Variants in MYH4 observed in about 807,000 individuals in gnomAD.
MYH4 encodes myosin heavy chain 4, also known as myosin-4.
Under a neutral mutation model 229.9 loss-of-function variants are expected in MYH4, and 200 were observed. The observed-to-expected ratio is 0.87, with a 90% confidence interval of 0.78 to 0.98. The LOEUF is 0.98. MYH4 is among the 50% of genes least tolerant of loss of function. MYH4 has a pLI of 0.00. For missense variants in MYH4, 2,148 were observed against 2,332.6 expected (o/e 0.92, Z 1.63); for synonymous variants, 761 against 834.6 (o/e 0.91, Z 1.52).
chr17:10,448,732 C>T lies in MYH4; in HGVS notation c.4417G>A (p.Ala1473Thr), dbSNP rs760022350. The change falls in exon 32 of 40, where the codon GCC (alanine) becomes ACC (threonine). Residue 1473 changes from alanine (A) to threonine (T), a missense_variant. Physicochemically the swap from Ala to Thr is moderately conservative, Grantham distance 58. Transcript: ENST00000255381. ...AGAGAACGCGACTCCTTCTGGGAGG[C>T]CTCAAGTTCAGCCTGAGTTTCCTCA... ...KYEETQAELE[A>T]SQKESRSLST... The T allele has an allele frequency of 6.2e-7, 1 of 1,614,108 alleles. No homozygotes were observed.
Position 10,451,980 on chromosome 17 carries a change from A to T in MYH4, c.3699T>A (p.Asn1233Lys), listed in dbSNP as rs899022774. ...KEKSELKMEI[N>K]DLASNMETVS... ...CAGTCTCCATGTTACTAGCAAGGTC[A>T]TTGATCTCCATCTTCAGCTCACTCT... is the stretch of plus-strand genomic sequence containing the variant. The change falls in exon 27 of 40, where the codon AAT (asparagine) becomes AAA (lysine). Residue 1233 changes from asparagine to lysine, a missense_variant. Physicochemically the swap from Asn to Lys is moderately conservative, Grantham distance 94 (BLOSUM62 0). Coordinates refer to ENST00000255381, the MANE Select transcript of MYH4 (RefSeq NM_017533.2). 2 of 1,613,472 alleles carry T rather than the reference A, an allele frequency of 1.2e-6. No homozygotes were observed. Among genetic ancestry groups the T allele is most frequent in the East Asian group, 4.5e-5 (2 of 44,850 alleles).
Position 10,453,873 on chromosome 17 carries a change from A to C in MYH4, c.2704T>G (p.Leu902Val). Residue 902 changes from leucine to valine, a missense_variant, in exon 23 of 40, where the codon TTG becomes GTG. Transcript: ENST00000255381. ...TCACATCTTTCCTCTGCATCAGCCAAGGCATCTGCTTCCTAAAGGGAGAAA... is the reference window on the plus strand; with the variant it reads ...TCACATCTTTCCTCTGCATCAGCCACGGCATCTGCTTCCTAAAGGGAGAAA... The part of the protein sequence containing the change: ...QLQVQAEADA[L>V]ADAEERCDQL... 6.2e-7 allele frequency: 1 copy of C among 1,614,164 alleles called. No homozygotes were observed. The highest frequency in any genetic ancestry group is 8.5e-7 in the Non-Finnish European group (1 of 1,180,018).
Position 10,453,700 on chromosome 17 carries a change from A to T in MYH4, c.2877T>A (p.Asp959Glu). 1 of 1,614,094 alleles carries T rather than the reference A, an allele frequency of 6.2e-7. No homozygotes were observed. Among genetic ancestry groups the T allele is most frequent in the South Asian group, 1.1e-5 (1 of 91,076 alleles). ...CCTTGGCCAGTGTCAGCTCAAGGTC[A>T]TCAATGTCTTTCTTGAGCTCTGAAC... ...DECSELKKDI[D>E]DLELTLAKVE... Residue 959 changes from aspartate (D) to glutamate (E), a missense_variant, in exon 23 of 40, where the codon GAT becomes GAA. Physicochemically the swap from Asp to Glu is conservative, Grantham distance 45 (BLOSUM62 2). Coordinates refer to ENST00000255381, the MANE Select transcript of MYH4 (RefSeq NM_017533.2).
In MYH4 at chr17:10,443,449, T is replaced by A; in HGVS notation, c.5746A>T (p.Ile1916Phe). 1 of 1,614,186 alleles carries A rather than the reference T, an allele frequency of 6.2e-7. No individual in the cohort carries two copies. Among genetic ancestry groups the A allele is most frequent in the Non-Finnish European group, 8.5e-7 (1 of 1,179,994 alleles). The change falls in exon 40 of 40, where the codon ATT becomes TTT. Residue 1916 changes from isoleucine to phenylalanine, a missense_variant. By Grantham distance (21) the Ile-to-Phe change is conservative. Transcript: ENST00000255381. This position sits in a 1 kb window ranked among gnomAD's most constrained non-coding sequence, Gnocchi z 4.6. ...ELEEAKERAD[I>F]AESQVNKLRV... ...AGCTTGTTGACTTGGGACTCAGCAA[T>A]GTCAGCCCGTTCCTTGGCCTCCTCC...
At chr17:10,453,395 T>C (rs1375775335) in intron 23 of MYH4, 67 bp from the exon 24 acceptor site, 7 of 1,610,544 alleles carry the variant, frequency 4.3e-6, no homozygotes, top group Non-Finnish European at 5.9e-6. Context: ...AACATGATGC[T>C]GTAGTATCTT....
Position 10,464,472 on chromosome 17 carries a change from C to G in MYH4, c.648G>C (p.Gln216His). Residue 216 changes from glutamine (Q) to histidine (H), a missense_variant and splice_region_variant, in exon 7 of 40, where the codon CAG becomes CAC. By Grantham distance (24) the Gln-to-His change is conservative. Transcript: ENST00000255381. ...KKEEPASGKM[Q>H]GTLEDQIISA... ...GTCCTTAGATGAATATCATGCCCAC[C>G]TGCATTTTGCCAGAGGCAGGTTCCT... is the stretch of plus-strand genomic sequence containing the variant. The G allele has an allele frequency of 6.2e-7, 1 of 1,612,032 alleles. No individual in the cohort carries two copies. The highest frequency in any genetic ancestry group is 8.5e-7 in the Non-Finnish European group (1 of 1,179,040).
chr17:10,450,521 C>G lies in MYH4; in HGVS notation c.4113G>C (p.Glu1371Asp), dbSNP rs758679319. The G allele has an allele frequency of 1.9e-6, 3 of 1,614,024 alleles. No homozygotes were observed. The highest frequency in any genetic ancestry group is 1.7e-6 in the Non-Finnish European group (2 of 1,180,002). ...CGTACTTGGTCCTCCACTGGGCAAC[C>G]TCACTGTTGGCCTTGGACATTCCCC... is the stretch of plus-strand genomic sequence containing the variant. ...LQRGMSKANS[E>D]VAQWRTKYET... The change falls in exon 30 of 40, where the codon GAG becomes GAC. Residue 1371 changes from glutamate (E) to aspartate (D), a missense_variant. By Grantham distance (45) the Glu-to-Asp change is conservative. Transcript: ENST00000255381.
intron 11 of MYH4, among the ~76,000 whole-genome samples, chr17:10,462,407 G>A (rs922436185): frequency 2.6e-5 from 4 of 152,176 alleles, no homozygotes; most frequent in Admixed American, 2.0e-4. Flanking sequence ...AGGGAGTAGA[G>A]AGGGATATAT....
chr17:10,459,537 C>G, intron 14 of MYH4, 116 bp from the exon 15 acceptor site: 1 of 1,524,294 alleles, frequency 6.6e-7, no homozygotes, highest in Non-Finnish European at 8.9e-7. Context: ...TATAAACCTT[C>G]AGATTGTTTT....
chr17:10,464,548 C>A lies in MYH4; in HGVS notation c.572G>T (p.Arg191Leu). ...AATTGTTGCAAAGTACTGGATGACA[C>A]GCTTCGTGTTCACAGTCTTCCCTGC... Reference protein sequence around the residue: ...SGAGKTVNTKRVIQYFATIAV... With the variant: ...SGAGKTVNTKLVIQYFATIAV... The change falls in exon 7 of 40, where the codon CGT becomes CTT. Residue 191 changes from arginine (R) to leucine (L), a missense_variant. Transcript: ENST00000255381. The A allele has an allele frequency of 1.9e-6, 3 of 1,614,102 alleles. No individual in the cohort carries two copies. Among genetic ancestry groups the A allele is most frequent in the Non-Finnish European group, 8.5e-7 (1 of 1,180,012 alleles).
rs1310272773 is a variant in MYH4 at position 10,464,492 on chromosome 17, G to A, written c.628C>T (p.Pro210Ser). 6.8e-6 allele frequency: 11 copies of A among 1,613,472 alleles called. No individual in the cohort carries two copies. In the African/African-American group the frequency reaches 1.1e-4, roughly 16 times the overall value. ...CCCACCTGCATTTTGCCAGAGGCAG[G>A]TTCCTCTTTTTTCTTCTCTCCAGTA... ...AVTGEKKKEE[P>S]ASGKMQGTLE... The change falls in exon 7 of 40, where the codon CCT (proline) becomes TCT (serine). Residue 210 changes from proline (P) to serine (S), a missense_variant. By Grantham distance (74) the Pro-to-Ser change is moderately conservative. Transcript: ENST00000255381.
chr17:10,469,064 A>T (rs2072795278), intron 2 of MYH4, among the ~76,000 whole-genome samples: 1 of 150,238 alleles, frequency 6.7e-6, no homozygotes, highest in Non-Finnish European at 1.5e-5. Context: ...TGATGGCTGC[A>T]TTCTTTCTGT....
intron 39 of MYH4, among the ~76,000 whole-genome samples, chr17:10,444,367 G>A (rs1297567330): frequency 1.3e-5 from 2 of 152,168 alleles, no homozygotes; most frequent in Non-Finnish European, 2.9e-5. Flanking sequence ...TTGCAACTAA[G>A]AAACATTTGT....
rs755509095 is a variant in MYH4 at position 10,447,246 on chromosome 17, C to T, written c.4966-30G>A. The T allele has an allele frequency of 1.6e-5, 26 of 1,592,388 alleles. 1 individual carries two copies. Among genetic ancestry groups the T allele is most frequent in the Admixed American group, 6.7e-5 (4 of 59,354 alleles). On this transcript the variant is annotated intron_variant, in intron 34 of 39. Transcript: ENST00000255381. ...ACAGAAAGAGAAAAAGCCTCTTACT[C>T]ATGCTGCACTTAAAGCAAATGCAAA...
At chr17:10,469,257 T>C (rs1204791905) in intron 2 of MYH4, 31 bp downstream of exon 2, 2 of 152,198 alleles carry the variant, frequency 1.3e-5, no homozygotes, top group Non-Finnish European at 2.9e-5. Context: ...ATTCCTTTGT[T>C]CTTTAGAGTG....
intron 22 of MYH4, among the ~76,000 whole-genome samples, chr17:10,454,184 C>A (rs954083772): frequency 2.0e-5 from 3 of 152,222 alleles, no homozygotes; most frequent in African/African-American, 7.2e-5. Flanking sequence ...CATTGTAGGA[C>A]TCAGTTTTCT....
chr17:10,447,115 A>G lies in MYH4; in HGVS notation c.5067T>C (p.Val1689=). ...GTTCCAGGGATGCCCTGAGCTCTTC[A>G]ACTTCAGCCTGCATCAGGTTAGCTC... ...ERRANLMQAE[V]EELRASLERT... Residue 1689 remains valine, a synonymous_variant, in exon 35 of 40, where the codon GTT becomes GTC. Transcript: ENST00000255381. 6.2e-7 allele frequency: 1 copy of G among 1,614,094 alleles called. No homozygotes were observed.
Position 10,455,175 on chromosome 17 carries a change from G to C in MYH4, c.2295C>G (p.Thr765=). 6.2e-7 allele frequency: 1 copy of C among 1,614,158 alleles called. No homozygotes were observed. The change falls in exon 20 of 40, where the codon ACC becomes ACG. Residue 765 remains threonine (T), a synonymous_variant. Transcript: ENST00000255381. ...TAGAAATTTGGACTGGTGATACCTT[G>C]GTATGACCGAATTTGTACTGGGTGT... ...IDHTQYKFGH[T]KVFFKAGLLG...
rs140074279 is a variant in MYH4 at position 10,459,329 on chromosome 17, C to T, written c.1509G>A (p.Glu503=). ...CCCACTCGATGCCTTCCTTCTTGTA[C>T]TCTTCCTGCTCCAGCACGAACATGT... ...NHHMFVLEQE[E]YKKEGIEWEF... Residue 503 remains glutamate, a synonymous_variant, in exon 15 of 40, where the codon GAG becomes GAA. Transcript: ENST00000255381. 4 of 1,614,128 alleles carry T rather than the reference C, an allele frequency of 2.5e-6. No individual in the cohort carries two copies. Among genetic ancestry groups the T allele is most frequent in the Non-Finnish European group, 3.4e-6 (4 of 1,180,016 alleles).
Sources: allele counts gnomAD v4.1 joint callset (sites outside exome capture counted in the v4.1 genomes callset), GRCh38; gene constraint gnomAD v4.1.1; non-coding constraint Gnocchi (gnomAD v3.1); transcripts MANE v1.5; gene names NCBI Gene and HGNC (gene_info 2026-07-23, HGNC 2026-07-21).